The following ZNF410 variants were observed in gnomAD, a reference collection of about 807,000 sequenced individuals.
ZNF410 encodes zinc finger protein 410, also known as another partner for ARF 1.
Under a neutral mutation model 54.8 loss-of-function variants are expected in ZNF410, and 18 were observed. That is an observed-to-expected ratio of 0.33 (90% CI 0.23 to 0.49). The LOEUF (loss-of-function observed/expected upper bound fraction) is 0.49, where lower values mean the gene tolerates loss of function less well. ZNF410 is among the 20% of genes least tolerant of loss of function. The probability of loss-of-function intolerance (pLI) is 0.99; values close to 1 mark genes in which losing one functional copy is unlikely to be tolerated. For synonymous variants in ZNF410, 191 were observed against 207.3 expected (o/e 0.92, Z 0.68); for missense variants, 405 against 569.6 (o/e 0.71, Z 2.94).
At chr14:73,925,848 A>G (rs893867673) in intron 11 of ZNF410, among the ~76,000 whole-genome samples, 1 of 152,126 alleles carries the variant, frequency 6.6e-6, no homozygotes, top group African/African-American at 2.4e-5. Flanking sequence ...CCTGGGCAAC[A>G]TAAGACCCCT....
rs769653093 is a variant in ZNF410 at position 73,892,092 on chromosome 14, T to C, written c.-84T>C. ...GAGCATAGTATTTCCTAGAGGAATA[T>C]GAACATAACAGGAAGGTATCATTGG... On this transcript the variant is annotated 5_prime_UTR_variant, in exon 2 of 12. An upstream start codon of the reference 5' UTR is lost. Coordinates refer to ENST00000555044, the MANE Select transcript of ZNF410 (RefSeq NM_021188.3). 1.6e-5 allele frequency: 23 copies of C among 1,407,772 alleles called. No individual in the cohort carries two copies. In the South Asian group the frequency reaches 2.5e-4, roughly 16 times the overall value. The allele number at this position is 1,407,772 out of a possible 1,614,324, so 87.2% of individuals were successfully genotyped here.
chr14:73,889,050 A>T (rs2055184265), intron 1 of ZNF410, among the ~76,000 whole-genome samples: 1 of 152,226 alleles, frequency 6.6e-6, no homozygotes, highest in East Asian at 1.9e-4. Context: ...GACAGTAAAT[A>T]GTTGTCTGGT....
At chr14:73,905,994 T>TATATATATATATATATATATATAC (rs1293177402) in intron 7 of ZNF410, among the ~76,000 whole-genome samples, 3 of 136,588 alleles carry the variant, frequency 2.2e-5, no homozygotes, top group African/African-American at 8.7e-5. Context: ...TATATATATA[T>TATATATATATATATATATATATAC]ACACACATAC....
Position 73,923,455 on chromosome 14 carries a change from TGGTGACCATGCAGTCA to T in ZNF410, c.1334_1349del (p.Val445GlyfsTer10). ...TCAGTGCCTGATGTGACACATCACC[TGGTGACCATGCAGTCA>T]GGGAGGCAATCATATGAAGTTTCTG... is the stretch of plus-strand genomic sequence containing the variant. On this transcript the variant is annotated frameshift_variant, in exon 11 of 12. Transcript: ENST00000555044. LOFTEE classifies it high-confidence loss of function. 2 of 1,614,106 alleles carry T rather than the reference TGGTGACCATGCAGTCA, an allele frequency of 1.2e-6. No homozygotes were observed. The highest frequency in any genetic ancestry group is 8.5e-7 in the Non-Finnish European group (1 of 1,179,988).
At chr14:73,894,573 C>T (rs764065673) in intron 3 of ZNF410, among the ~76,000 whole-genome samples, 5 of 151,910 alleles carry the variant, frequency 3.3e-5, no homozygotes, top group Admixed American at 6.6e-5. Context: ...ATTACAGGTG[C>T]GTGCCACTAT....
At chr14:73,895,427 A>C (rs2140296907) in intron 3 of ZNF410, 1 of 152,330 alleles carries the variant, frequency 6.6e-6, no homozygotes, top group South Asian at 2.1e-4. Context: ...ATATATCCAA[A>C]GGAATTGAAA....
chr14:73,921,534 G>A (rs2055754441), intron 9 of ZNF410, among the ~76,000 whole-genome samples: 1 of 152,112 alleles, frequency 6.6e-6, no homozygotes, highest in African/African-American at 2.4e-5. Context: ...CTGGAGTGCA[G>A]TGGCGCCATC....
At chr14:73,889,298 C>T (rs2055187368) in intron 1 of ZNF410, among the ~76,000 whole-genome samples, 2 of 152,012 alleles carry the variant, frequency 1.3e-5, no homozygotes, top group Admixed American at 1.3e-4. Flanking sequence ...CTCAGCCTCC[C>T]TAGTAGCTAG....
At chr14:73,895,777 T>G (rs985365069) in intron 3 of ZNF410, among the ~76,000 whole-genome samples, 2 of 152,138 alleles carry the variant, frequency 1.3e-5, no homozygotes, top group African/African-American at 4.8e-5. Flanking sequence ...CCAGCCTGGC[T>G]GGTGAAACCC....
intron 11 of ZNF410, among the ~76,000 whole-genome samples, chr14:73,926,753 TC>T (rs755338231): frequency 2.6e-5 from 4 of 151,968 alleles, no homozygotes; most frequent in African/African-American, 4.8e-5. Context: ...GGAGTTTTTG[TC>T]CTAAAGATTT....
intron 1 of ZNF410, 53 bp from the exon 2 acceptor site, chr14:73,891,974 G>A (rs1337856528): frequency 7.2e-6 from 5 of 694,074 alleles, no homozygotes; most frequent in Non-Finnish European, 1.3e-5. Context: ...TTATGTACCT[G>A]TGTTTTCCCA....
At chr14:73,927,853 T>TTTTA (rs2055856927) in intron 11 of ZNF410, 1 of 152,536 alleles carries the variant, frequency 6.6e-6, no homozygotes, top group Non-Finnish European at 1.4e-5. Flanking sequence ...TTTTTTAATT[T>TTTTA]TTTAGACGGA....
chr14:73,931,916 A>G lies in ZNF410; in HGVS notation c.*375A>G. 1 of 457,100 alleles carries G rather than the reference A, an allele frequency of 2.2e-6. No individual in the cohort carries two copies. The highest frequency in any genetic ancestry group is 1.6e-5 in the South Asian group (1 of 64,246). The allele number at this position is 457,100 out of a possible 1,614,324, so 28.3% of individuals were successfully genotyped here. A position where few individuals can be genotyped will look rare whatever the true frequency, so the allele number is the denominator to read the frequency against. On this transcript the variant is annotated 3_prime_UTR_variant, in exon 12 of 12. Coordinates refer to ENST00000555044, the MANE Select transcript of ZNF410 (RefSeq NM_021188.3). ...ATCCCAGACTCAGCTGTCTTTTCAC[A>G]TGGATGAAATAATTCCTGCTACCAA...
chr14:73,886,873 T>G lies in ZNF410; in HGVS notation c.-192T>G, dbSNP rs1352644263. On this transcript the variant is annotated 5_prime_UTR_variant, in exon 1 of 12. Transcript: ENST00000555044. ...CGGAAGACGCTGTGTGTGGACGGAATTCGGGACCGACTGACGGCCGGCCGG... is the reference window on the plus strand; with the variant it reads ...CGGAAGACGCTGTGTGTGGACGGAAGTCGGGACCGACTGACGGCCGGCCGG... The G allele has an allele frequency of 6.5e-6, 1 of 152,870 alleles. No homozygotes were observed. The highest frequency in any genetic ancestry group is 1.5e-5 in the Non-Finnish European group (1 of 68,196). The allele number at this position is 152,870 out of a possible 1,614,324, so 9.5% of individuals were successfully genotyped here. A position where few individuals can be genotyped will look rare whatever the true frequency, so the allele number is the denominator to read the frequency against.
intron 5 of ZNF410, chr14:73,898,578 T>C (rs1407432613): frequency 4.4e-6 from 2 of 457,620 alleles, no homozygotes; most frequent in African/African-American, 2.0e-5. Context: ...ACATAAATTC[T>C]GTGTAAACTT....
At chr14:73,919,937 A>G (rs2055732574) in intron 8 of ZNF410, among the ~76,000 whole-genome samples, 1 of 103,580 alleles carries the variant, frequency 9.7e-6, no homozygotes, top group African/African-American at 3.8e-5. Context: ...TGCAGTATCT[A>G]TAGCTTTTTA....
At chr14:73,918,997 CTTTTTTTTTTTTTTTTTTT>C (rs906481832) in intron 8 of ZNF410, among the ~76,000 whole-genome samples, 2 of 60,640 alleles carry the variant, frequency 3.3e-5, no homozygotes, top group African/African-American at 9.5e-5. Flanking sequence ...CGTGCCCGGC[CTTTTTTTTTTTTTTTTTTT>C]TTTTTTTTTT....
rs1469149124 is a variant in ZNF410, at chr14:73,932,409, AAAC to A, written c.*874_*876del. The A allele has an allele frequency of 1.6e-5, 7 of 450,340 alleles. No individual in the cohort carries two copies. Among genetic ancestry groups the A allele is most frequent in the Non-Finnish European group, 2.7e-5 (6 of 225,612 alleles). The allele number at this position is 450,340 out of a possible 1,614,324, so 27.9% of individuals were successfully genotyped here. A position where few individuals can be genotyped will look rare whatever the true frequency, so the allele number is the denominator to read the frequency against. On this transcript the variant is annotated 3_prime_UTR_variant, in exon 12 of 12. Transcript: ENST00000555044. ...TAAAACTGAACCGAGGAGTCTTAGG[AAAC>A]AACAAGAACATCTTCATTTCTTAAG...
intron 11 of ZNF410, among the ~76,000 whole-genome samples, chr14:73,930,403 T>A (rs1032892598): frequency 6.6e-6 from 1 of 152,180 alleles, no homozygotes; most frequent in Non-Finnish European, 1.5e-5. Flanking sequence ...CCTCAAGCAA[T>A]CCTCCTCCCT....
Sources: allele counts gnomAD v4.1 joint callset (sites outside exome capture counted in the v4.1 genomes callset), GRCh38; gene constraint gnomAD v4.1.1; transcripts MANE v1.5; gene names NCBI Gene and HGNC (gene_info 2026-07-23, HGNC 2026-07-21).